ADAMTSL1: variants seen among roughly 807,000 people sequenced by gnomAD.
ADAMTSL1 encodes the protein ADAMTS-like protein 1.
In ADAMTSL1, 126 loss-of-function variants were observed where a neutral mutation model predicts 201.8. The observed-to-expected ratio is 0.62, with a 90% CI of 0.54 to 0.72. ADAMTSL1 has a LOEUF of 0.72. ADAMTSL1 is among the 30% of genes least tolerant of loss of function. ADAMTSL1 has a pLI of 0.00. For synonymous variants in ADAMTSL1, 1,121 were observed against 903.4 expected (o/e 1.24, Z -4.32); for missense variants, 2,679 against 2,277.8 (o/e 1.18, Z -3.59).
chr9:18,711,517 C>G (rs1832599348), intron 14 of ADAMTSL1, among the ~76,000 whole-genome samples: 1 of 152,230 alleles, frequency 6.6e-6, no homozygotes, highest in Non-Finnish European at 1.5e-5. Flanking sequence ...TCACTCCCAC[C>G]CAAATACTGC....
chr9:17,950,293 G>A (rs940669341), intron 1 of ADAMTSL1, among the ~76,000 whole-genome samples: 4 of 151,938 alleles, frequency 2.6e-5, no homozygotes, highest in Admixed American at 6.6e-5. Flanking sequence ...CAGTGCAATA[G>A]TACTAGAAAA....
intron 1 of ADAMTSL1, among the ~76,000 whole-genome samples, chr9:18,062,570 TAAAG>T (rs1358372370): frequency 6.6e-6 from 1 of 151,976 alleles, no homozygotes; most frequent in African/African-American, 2.4e-5. Flanking sequence ...GTAAATGAAA[TAAAG>T]AAGAAAATTA....
intron 28 of ADAMTSL1, chr9:18,907,115 G>C (rs113916579): frequency 6.7e-6 from 4 of 596,572 alleles, no homozygotes; most frequent in African/African-American, 3.8e-5. Context: ...TATGCCCCAA[G>C]GGCTTCCATG....
rs1436087727 is a variant in ADAMTSL1 at position 18,734,727 on chromosome 9, T to C, written c.2006+13062T>C. ...AGAAGGTAACCACGAGCTGAGTCTC[T>C]TGTTCTTAGAGCTGGTAAAATATTT... On this transcript the variant is annotated intron_variant, in intron 15 of 28. Transcript: ENST00000380548. 2.6e-5 allele frequency among the ~76,000 whole-genome samples: 4 copies of C among 152,200 alleles called. No homozygotes were observed. In the East Asian group the frequency reaches 7.7e-4, roughly 29 times the overall value.
At chr9:18,892,343 G>A (rs1357007395) in intron 25 of ADAMTSL1, 46 bp from the exon 26 acceptor site, 3 of 1,570,190 alleles carry the variant, frequency 1.9e-6, no homozygotes, top group Non-Finnish European at 2.6e-6. Context: ...CTTTTCCCCA[G>A]GGCCTGTCCC....
rs530920751 is a variant in ADAMTSL1 at position 18,569,853 on chromosome 9, C to T, written c.238-4177C>T. Among the ~76,000 whole-genome samples the T allele has an allele frequency of 4.0e-5, 6 of 151,566 alleles. No homozygotes were observed. In the South Asian group the frequency reaches 1.3e-3, roughly 32 times the overall value. Reference sequence around the variant, plus strand: ...CCAATTTAAAGTTTATTATTCTTACCACTAGGATATGATGAGAGCAGAAAT... The same window carrying T: ...CCAATTTAAAGTTTATTATTCTTACTACTAGGATATGATGAGAGCAGAAAT... On this transcript the variant is annotated intron_variant, in intron 3 of 28. Transcript: ENST00000380548.
At chr9:18,775,008 G>A (rs1347570597) in intron 17 of ADAMTSL1, among the ~76,000 whole-genome samples, 2 of 151,952 alleles carry the variant, frequency 1.3e-5, no homozygotes. Flanking sequence ...CCAGTAATGA[G>A]TGAAACTGCT....
intron 1 of ADAMTSL1, among the ~76,000 whole-genome samples, chr9:18,137,845 C>G (rs1826224444): frequency 6.6e-6 from 1 of 152,064 alleles, no homozygotes; most frequent in Non-Finnish European, 1.5e-5. Flanking sequence ...AGAGCAGTAA[C>G]TTTTTCCAAG....
chr9:18,597,420 A>C (rs1248186963), intron 4 of ADAMTSL1, among the ~76,000 whole-genome samples: 2 of 152,206 alleles, frequency 1.3e-5, no homozygotes, highest in African/African-American at 4.8e-5. Context: ...CTCTATTATT[A>C]ATATGCTTAT....
chr9:18,167,845 C>CATA (rs142731596), intron 2 of ADAMTSL1, among the ~76,000 whole-genome samples: 2,205 of 151,996 alleles, frequency 0.015, 73 homozygotes, highest in African/African-American at 0.051. Flanking sequence ...ATTTAGTGGA[C>CATA]ATAAATTCAA....
intron 2 of ADAMTSL1, among the ~76,000 whole-genome samples, chr9:18,407,601 G>C (rs182755811): frequency 1.1e-4 from 17 of 152,136 alleles, no homozygotes; most frequent in African/African-American, 3.6e-4. Flanking sequence ...AAGAATAAGG[G>C]AGTGGTAATA....
At chr9:18,584,942 T>C (rs973395078) in intron 4 of ADAMTSL1, among the ~76,000 whole-genome samples, 2 of 152,198 alleles carry the variant, frequency 1.3e-5, no homozygotes, top group Non-Finnish European at 2.9e-5. Flanking sequence ...CAGTCTCAGG[T>C]ATTTTGTTAT....
intron 2 of ADAMTSL1, among the ~76,000 whole-genome samples, chr9:18,431,846 G>A (rs988824033): frequency 3.3e-5 from 5 of 152,100 alleles, no homozygotes; most frequent in African/African-American, 9.7e-5. Context: ...CATATGACCT[G>A]ACTAGTACAG....
At chr9:17,949,346 G>T (rs975988552) in intron 1 of ADAMTSL1, among the ~76,000 whole-genome samples, 1 of 152,092 alleles carries the variant, frequency 6.6e-6, no homozygotes, top group African/African-American at 2.4e-5. Context: ...GGCTTGCCTT[G>T]TAAGTTTGCC....
At chr9:18,161,572 C>T (rs2132084612) in intron 1 of ADAMTSL1, among the ~76,000 whole-genome samples, 1 of 152,102 alleles carries the variant, frequency 6.6e-6, no homozygotes. Flanking sequence ...AAACCCAGTT[C>T]TTGATCTTTC....
At chr9:18,599,465 G>A (rs1043317354) in intron 4 of ADAMTSL1, among the ~76,000 whole-genome samples, 1 of 152,036 alleles carries the variant, frequency 6.6e-6, no homozygotes, top group East Asian at 1.9e-4. Flanking sequence ...CTCATGCATG[G>A]GTTTCTATTT....
At chr9:18,410,843 C>CTTTTTTTTT (rs1371481573) in intron 2 of ADAMTSL1, among the ~76,000 whole-genome samples, 1 of 110,668 alleles carries the variant, frequency 9.0e-6, no homozygotes, top group Non-Finnish European at 1.9e-5. Flanking sequence ...CTGTCTTCTT[C>CTTTTTTTTT]TTCTTTTTTT....
intron 2 of ADAMTSL1, among the ~76,000 whole-genome samples, chr9:18,407,947 G>T (rs909295013): frequency 2.6e-5 from 4 of 152,130 alleles, no homozygotes; most frequent in Non-Finnish European, 5.9e-5. Context: ...GGATGTTTCA[G>T]TTCGAATAAA....
At chr9:18,445,158 A>C (rs1820142729) in intron 2 of ADAMTSL1, among the ~76,000 whole-genome samples, 1 of 152,106 alleles carries the variant, frequency 6.6e-6, no homozygotes, top group Non-Finnish European at 1.5e-5. Flanking sequence ...AGAAGTCTGA[A>C]ATTCTTCTCG....
Sources: gnomAD v4.1 joint callset for allele counts (sites outside exome capture counted in the v4.1 genomes callset) on GRCh38, gnomAD v4.1.1 for gene constraint, MANE v1.5 for transcripts, NCBI Gene and HGNC (gene_info 2026-07-23, HGNC 2026-07-21) for gene names.